Variants in RBFOX1 observed in about 807,000 individuals in gnomAD.
The protein encoded by RBFOX1 is RNA binding fox-1 homolog 1.
Under a neutral mutation model 57.7 loss-of-function variants are expected in RBFOX1, and 8 were observed. The observed-to-expected ratio is 0.14, with a 90% CI of 0.08 to 0.25. RBFOX1 has a LOEUF of 0.25. Ranked by LOEUF, RBFOX1 falls within the 10% of genes least tolerant of loss-of-function variation. The probability of loss-of-function intolerance (pLI) is 1.00; values close to 1 mark genes in which losing one functional copy is unlikely to be tolerated. For synonymous variants in RBFOX1, 326 were observed against 222.4 expected (o/e 1.47, Z -4.15); for missense variants, 611 against 548.5 (o/e 1.11, Z -1.14).
chr16:7,178,551 C>T (rs1005096783), intron 4 of RBFOX1, among the ~76,000 whole-genome samples: 2 of 152,154 alleles, frequency 1.3e-5, no homozygotes, highest in African/African-American at 4.8e-5. Context: ...AAGAACCTAT[C>T]TGCATGGTAT....
At chr16:7,302,886 G>A (rs764915978) in intron 4 of RBFOX1, among the ~76,000 whole-genome samples, 3 of 152,008 alleles carry the variant, frequency 2.0e-5, no homozygotes, top group Non-Finnish European at 2.9e-5. Context: ...ATAAAGGGGA[G>A]GGGAGACCCG....
intron 3 of RBFOX1, among the ~76,000 whole-genome samples, chr16:6,917,569 C>T (rs756984193): frequency 3.3e-5 from 5 of 152,170 alleles, no homozygotes; most frequent in African/African-American, 4.8e-5. Flanking sequence ...GTGTCTCCTT[C>T]TTCTGAAATA....
intron 3 of RBFOX1, among the ~76,000 whole-genome samples, chr16:5,814,935 CAAAAAGAAA>C (rs1241744483): frequency 6.7e-6 from 1 of 148,326 alleles, no homozygotes; most frequent in African/African-American, 2.5e-5. Context: ...GACTCCGTCT[CAAAAAGAAA>C]AAAAAGAAAA....
At chr16:7,426,174 G>A (rs1455877636) in intron 4 of RBFOX1, among the ~76,000 whole-genome samples, 1 of 152,214 alleles carries the variant, frequency 6.6e-6, no homozygotes, top group Non-Finnish European at 1.5e-5. Flanking sequence ...CCTTCCAGAA[G>A]CAAACACAGC....
intron 3 of RBFOX1, among the ~76,000 whole-genome samples, chr16:6,783,929 A>G (rs887298891): frequency 2.6e-4 from 40 of 152,254 alleles, no homozygotes; most frequent in Non-Finnish European, 4.7e-4. Flanking sequence ...TAGCTTTGAA[A>G]GTCTTTTTGT....
chr16:6,800,395 A>C (rs1174239475), intron 3 of RBFOX1, among the ~76,000 whole-genome samples: 2 of 152,138 alleles, frequency 1.3e-5, no homozygotes, highest in Non-Finnish European at 2.9e-5. Context: ...ACTCTAGGAT[A>C]GTGCTTCTCA....
chr16:7,433,638 G>T (rs887209282), intron 4 of RBFOX1, among the ~76,000 whole-genome samples: 2 of 152,294 alleles, frequency 1.3e-5, no homozygotes, highest in South Asian at 4.1e-4. Context: ...TGGGAGATAG[G>T]TTACCAATTT....
chr16:7,293,706 G>A (rs752360093), intron 4 of RBFOX1, among the ~76,000 whole-genome samples: 1 of 152,132 alleles, frequency 6.6e-6, no homozygotes, highest in Admixed American at 6.5e-5. Flanking sequence ...TGAGAGCCAG[G>A]AAGGTTTTCT....
At chr16:6,916,803 C>G in intron 3 of RBFOX1, among the ~76,000 whole-genome samples, 1 of 152,188 alleles carries the variant, frequency 6.6e-6, no homozygotes, top group South Asian at 2.1e-4. Context: ...GTTCAAACTT[C>G]GAAGTTTGAA....
chr16:7,202,948 A>C (rs774318126), intron 4 of RBFOX1, among the ~76,000 whole-genome samples: 10 of 151,868 alleles, frequency 6.6e-5, no homozygotes, highest in Non-Finnish European at 1.5e-4. Context: ...GTGCCAGGCT[A>C]ATTTTGTTTT....
At chr16:7,146,385 A>G (rs542129490) in intron 4 of RBFOX1, among the ~76,000 whole-genome samples, 7 of 152,324 alleles carry the variant, frequency 4.6e-5, no homozygotes, top group African/African-American at 1.2e-4. Flanking sequence ...TTGTCTCATC[A>G]GTATACTTTG....
intron 3 of RBFOX1, chr16:6,723,723 C>G (rs1294845838): frequency 2.0e-5 from 3 of 150,722 alleles, no homozygotes; most frequent in Middle Eastern, 3.2e-3. Flanking sequence ...CTGCATCTGT[C>G]TCGTGAAGAT....
chr16:6,141,994 G>C (rs2096719681), intron 1 of RBFOX1, among the ~76,000 whole-genome samples: 1 of 151,690 alleles, frequency 6.6e-6, no homozygotes, highest in East Asian at 2.0e-4. Flanking sequence ...GGGAGGTGGA[G>C]GTTGCAGTGA....
At chr16:5,655,955 T>C (rs1176940458) in intron 3 of RBFOX1, among the ~76,000 whole-genome samples, 1 of 152,222 alleles carries the variant, frequency 6.6e-6, no homozygotes, top group East Asian at 1.9e-4. Flanking sequence ...GGAAGAAGGA[T>C]GGTCACTGTG....
At chr16:5,430,344 GAAAATTGCATGTGC>G (rs1370710691) in intron 1 of RBFOX1, among the ~76,000 whole-genome samples, 1 of 152,142 alleles carries the variant, frequency 6.6e-6, no homozygotes, top group Admixed American at 6.5e-5. Flanking sequence ...GCCAGTAGGA[GAAAATTGCATGTGC>G]AAAGGCCCTG....
intron 3 of RBFOX1, among the ~76,000 whole-genome samples, chr16:6,942,816 G>C (rs926820760): frequency 1.3e-5 from 2 of 152,176 alleles, no homozygotes; most frequent in African/African-American, 4.8e-5. Flanking sequence ...TCTCAGAAAA[G>C]ATGGCTGACC....
intron 2 of RBFOX1, among the ~76,000 whole-genome samples, chr16:6,623,901 A>G (rs558424379): frequency 1.2e-4 from 18 of 152,250 alleles, no homozygotes; most frequent in African/African-American, 4.1e-4. Flanking sequence ...GCCGCAATAA[A>G]CATGTGTGCA....
chr16:5,498,044 G>T (rs551960378), intron 2 of RBFOX1, among the ~76,000 whole-genome samples: 21 of 152,326 alleles, frequency 1.4e-4, no homozygotes, highest in African/African-American at 5.1e-4. Flanking sequence ...GAAGATTCCA[G>T]AGTGGCTGGA....
intron 2 of RBFOX1, among the ~76,000 whole-genome samples, chr16:5,492,942 T>C (rs1485489958): frequency 1.3e-5 from 2 of 152,202 alleles, no homozygotes; most frequent in Non-Finnish European, 2.9e-5. Context: ...CTTTTGACCC[T>C]AGAGCCTACA....
Sources: allele counts gnomAD v4.1 joint callset (sites outside exome capture counted in the v4.1 genomes callset), GRCh38; gene constraint gnomAD v4.1.1; transcripts MANE v1.5; gene names NCBI Gene and HGNC (gene_info 2026-07-23, HGNC 2026-07-21).